Variants in KIRREL3 observed in about 807,000 individuals in gnomAD.
KIRREL3 encodes the protein kirre like nephrin family adhesion molecule 3.
Under a neutral mutation model 89.7 loss-of-function variants are expected in KIRREL3, and 36 were observed. The observed-to-expected ratio is 0.40, with a 90% CI of 0.31 to 0.53. KIRREL3 has a LOEUF of 0.53. Among genes scored for constraint, KIRREL3 ranks in the 20% least tolerant of loss-of-function variants. The pLI, the probability that KIRREL3 is intolerant of heterozygous loss-of-function variation, is 0.49. For missense variants in KIRREL3, 864 were observed against 1,056.6 expected, an observed-to-expected ratio of 0.82 and a Z score of 2.53; for synonymous variants, 445 against 441.4, an observed-to-expected ratio of 1.01 and a Z score of -0.10.
rs1192203505 is a variant in KIRREL3 at position 126,605,523 on chromosome 11, C to G, written c.56-42611G>C. ...CAGGATGCCAGGAGGGAGGCACAGC[C>G]CACACTTAGCAGCTTGGCGCACGCA... On this transcript the variant is annotated intron_variant, in intron 1 of 16. Transcript: ENST00000525144. The surrounding 1 kb of genome is among the most constrained non-coding windows in gnomAD (Gnocchi z 5.7). Among the ~76,000 whole-genome samples, 2 of 152,168 alleles carry G rather than the reference C, an allele frequency of 1.3e-5. No individual in the cohort carries two copies. Among genetic ancestry groups the G allele is most frequent in the African/African-American group, 4.8e-5 (2 of 41,440 alleles).
rs911035331 is a variant in KIRREL3, at chr11:126,640,574, G to C, written c.56-77662C>G. ...TGTACCTGAAATGTGTGGCGAAGAG[G>C]GTCCAGCAGTCAGATTAATACACCT... is the stretch of plus-strand genomic sequence containing the variant. On this transcript the variant is annotated intron_variant, in intron 1 of 16. Coordinates refer to ENST00000525144, the MANE Select transcript of KIRREL3 (RefSeq NM_032531.4). This position sits in a 1 kb window ranked among gnomAD's most constrained non-coding sequence, Gnocchi z 4.9. 6.6e-6 allele frequency among the ~76,000 whole-genome samples: 1 copy of C among 152,014 alleles called. No homozygotes were observed. Among genetic ancestry groups the C allele is most frequent in the Non-Finnish European group, 1.5e-5 (1 of 67,996 alleles).
At chr11:126,894,313 G>A (rs1287920934) in intron 1 of KIRREL3, among the ~76,000 whole-genome samples, 1 of 152,086 alleles carries the variant, frequency 6.6e-6, no homozygotes, top group Non-Finnish European at 1.5e-5. Flanking sequence ...GTGTAGGGGT[G>A]TCGTGGTGAG....
Position 126,489,995 on chromosome 11 carries a change from G to A in KIRREL3, c.434-16529C>T, listed in dbSNP as rs1375021781. 6.6e-6 allele frequency among the ~76,000 whole-genome samples: 1 copy of A among 152,148 alleles called. No individual in the cohort carries two copies. Among genetic ancestry groups the A allele is most frequent in the Admixed American group, 6.5e-5 (1 of 15,272 alleles). On this transcript the variant is annotated intron_variant, in intron 4 of 16. Transcript: ENST00000525144. This position sits in a 1 kb window ranked among gnomAD's most constrained non-coding sequence, Gnocchi z 5.5. The stretch of plus-strand genomic sequence containing the variant: ...CTGCATACGTTGGGGAAAATGAGAC[G>A]TGTTGCTTGGAAGCAGCCCATGAGC...
At chr11:126,793,710 A>C (rs1004941832) in intron 1 of KIRREL3, among the ~76,000 whole-genome samples, 3 of 152,240 alleles carry the variant, frequency 2.0e-5, no homozygotes, top group Non-Finnish European at 4.4e-5. Flanking sequence ...GAATTAACTA[A>C]GGAAAATGCG....
At chr11:126,438,988 T>G (rs1591532817) in intron 11 of KIRREL3, among the ~76,000 whole-genome samples, 1 of 152,170 alleles carries the variant, frequency 6.6e-6, no homozygotes, top group African/African-American at 2.4e-5. Flanking sequence ...TGCCATACAC[T>G]GGGAATTACT....
chr11:126,466,045 G>A (rs1002917870), intron 5 of KIRREL3, among the ~76,000 whole-genome samples: 14 of 152,146 alleles, frequency 9.2e-5, no homozygotes, highest in African/African-American at 2.7e-4. Flanking sequence ...CCCTTCCAAC[G>A]GATGGGCTCT....
chr11:126,961,436 T>C (rs1949083835), intron 1 of KIRREL3, among the ~76,000 whole-genome samples: 1 of 152,294 alleles, frequency 6.6e-6, no homozygotes, highest in Non-Finnish European at 1.5e-5. Flanking sequence ...GTATAGAAGA[T>C]GAAATCAACC....
chr11:126,968,237 A>G (rs1949331110), intron 1 of KIRREL3, among the ~76,000 whole-genome samples: 1 of 152,118 alleles, frequency 6.6e-6, no homozygotes, highest in African/African-American at 2.4e-5. Context: ...TAATTAACAG[A>G]TATATGTATT....
intron 1 of KIRREL3, among the ~76,000 whole-genome samples, chr11:126,859,643 T>C (rs1944644711): frequency 1.3e-5 from 2 of 152,112 alleles, no homozygotes; most frequent in South Asian, 4.1e-4. Flanking sequence ...AAAACATACA[T>C]AAATTGAATT....
At chr11:126,559,676 CT>C (rs968122474) in intron 2 of KIRREL3, among the ~76,000 whole-genome samples, 469 of 144,294 alleles carry the variant, frequency 3.3e-3, no homozygotes, top group Non-Finnish European at 4.3e-3. Flanking sequence ...TCTTACTCTA[CT>C]TTTTTTTTTT....
Position 126,520,705 on chromosome 11 carries a change from C to A in KIRREL3, c.433+610G>T, listed in dbSNP as rs1591670482. On this transcript the variant is annotated intron_variant, in intron 4 of 16. Coordinates refer to ENST00000525144, the MANE Select transcript of KIRREL3 (RefSeq NM_032531.4). The surrounding 1 kb of genome is among the most constrained non-coding windows in gnomAD (Gnocchi z 4.9). ...TCCAGGAACGCTGGGCTCCTGGGAA[C>A]ATAAGATGAAGAAAGATCAAGGGGA... Among the ~76,000 whole-genome samples the A allele has an allele frequency of 6.6e-6, 1 of 152,206 alleles. No individual in the cohort carries two copies. Among genetic ancestry groups the A allele is most frequent in the Non-Finnish European group, 1.5e-5 (1 of 68,012 alleles).
intron 1 of KIRREL3, among the ~76,000 whole-genome samples, chr11:126,923,152 C>CTTA: frequency 5.3e-5 from 1 of 18,878 alleles, no homozygotes; most frequent in East Asian, 6.0e-4. Flanking sequence ...TCTTCTTCTT[C>CTTA]TTCTTCTTCT....
rs375356697 is a variant in KIRREL3, at chr11:126,900,877, AT to A, written c.55+99577del. On this transcript the variant is annotated intron_variant, in intron 1 of 16. Transcript: ENST00000525144. The surrounding 1 kb of genome is among the most constrained non-coding windows in gnomAD (Gnocchi z 4.4). The stretch of plus-strand genomic sequence containing the variant: ...AGTTGCAAGTTAACTCAAGTAACTG[AT>A]TTTTTGTATGTAAAACTGTAGGAAA... Among the ~76,000 whole-genome samples the A allele has an allele frequency of 1.3e-5, 2 of 152,174 alleles. No homozygotes were observed. Among genetic ancestry groups the A allele is most frequent in the African/African-American group, 4.8e-5 (2 of 41,428 alleles).
chr11:126,963,302 A>AAC (rs1381783230), intron 1 of KIRREL3, among the ~76,000 whole-genome samples: 4 of 110,810 alleles, frequency 3.6e-5, no homozygotes, highest in Non-Finnish European at 7.2e-5. Context: ...CACCAAACAG[A>AAC]ACACACATAC....
In KIRREL3 at chr11:126,802,641, C is replaced by T. The variant is rs540620185; in HGVS notation, c.55+197814G>A. Among the ~76,000 whole-genome samples, 5 of 152,100 alleles carry T rather than the reference C, an allele frequency of 3.3e-5. No individual in the cohort carries two copies. Among genetic ancestry groups the T allele is most frequent in the African/African-American group, 4.8e-5 (2 of 41,436 alleles). ...GAGGGTGTCCTGTCGGGGGCTGGCTCCCGCCTGGCACCCTGAGCTGCTGGG... is the reference window on the plus strand; with the variant it reads ...GAGGGTGTCCTGTCGGGGGCTGGCTTCCGCCTGGCACCCTGAGCTGCTGGG... On this transcript the variant is annotated intron_variant, in intron 1 of 16. Coordinates refer to ENST00000525144, the MANE Select transcript of KIRREL3 (RefSeq NM_032531.4). The surrounding 1 kb of genome is among the most constrained non-coding windows in gnomAD (Gnocchi z 5.2).
In KIRREL3 at chr11:126,578,906, A is replaced by G. The variant is rs1304084748; in HGVS notation, c.56-15994T>C. 6.6e-6 allele frequency among the ~76,000 whole-genome samples: 1 copy of G among 152,172 alleles called. No individual in the cohort carries two copies. Among genetic ancestry groups the G allele is most frequent in the East Asian group, 1.9e-4 (1 of 5,190 alleles). Reference sequence around the variant, plus strand: ...ATCTACCCTGCAAAATACTTTTCACACACTCTCTCACTTATCCTCACCATG... The same window carrying G: ...ATCTACCCTGCAAAATACTTTTCACGCACTCTCTCACTTATCCTCACCATG... On this transcript the variant is annotated intron_variant, in intron 1 of 16. Transcript: ENST00000525144. This position sits in a 1 kb window ranked among gnomAD's most constrained non-coding sequence, Gnocchi z 4.9.
intron 1 of KIRREL3, among the ~76,000 whole-genome samples, chr11:126,792,966 A>G (rs796876742): frequency 6.6e-6 from 1 of 152,122 alleles, no homozygotes; most frequent in African/African-American, 2.4e-5. Context: ...AGGTTCTTCT[A>G]TTGGGGGGTT....
At chr11:126,500,065 A>G (rs1405432921) in intron 4 of KIRREL3, among the ~76,000 whole-genome samples, 2 of 152,332 alleles carry the variant, frequency 1.3e-5, no homozygotes, top group South Asian at 2.1e-4. Context: ...CACTGACTGC[A>G]CTATGATTTC....
Position 126,970,348 on chromosome 11 carries a change from G to A in KIRREL3, c.55+30107C>T, listed in dbSNP as rs1279892882. Among the ~76,000 whole-genome samples the A allele has an allele frequency of 6.6e-6, 1 of 151,934 alleles. No homozygotes were observed. Among genetic ancestry groups the A allele is most frequent in the East Asian group, 1.9e-4 (1 of 5,158 alleles). On this transcript the variant is annotated intron_variant, in intron 1 of 16. Coordinates refer to ENST00000525144, the MANE Select transcript of KIRREL3 (RefSeq NM_032531.4). This position sits in a 1 kb window ranked among gnomAD's most constrained non-coding sequence, Gnocchi z 4.4. ...TTCTCTCTCACATTATCTTGTTTATGAAACACTGCTCTTTATTAAACACTA... is the reference window on the plus strand; with the variant it reads ...TTCTCTCTCACATTATCTTGTTTATAAAACACTGCTCTTTATTAAACACTA...
Sources: allele counts gnomAD v4.1 joint callset (sites outside exome capture counted in the v4.1 genomes callset), GRCh38; gene constraint gnomAD v4.1.1; non-coding constraint Gnocchi (gnomAD v3.1); transcripts MANE v1.5; gene names NCBI Gene and HGNC (gene_info 2026-07-23, HGNC 2026-07-21).